ST6GALNAC5: variants seen among roughly 807,000 people sequenced by gnomAD.
ST6GALNAC5 encodes the protein alpha-N-acetylgalactosaminide alpha-2,6-sialyltransferase 5.
A neutral mutation model predicts 33.6 loss-of-function variants in ST6GALNAC5; 27 were observed. That is an observed-to-expected ratio of 0.80 (90% CI 0.59 to 1.11). ST6GALNAC5 has a LOEUF of 1.11. ST6GALNAC5 is among the 50% of genes least tolerant of loss of function. The pLI, the probability that ST6GALNAC5 is intolerant of heterozygous loss-of-function variation, is 0.00. For synonymous variants in ST6GALNAC5, 194 were observed against 171.2 expected, an observed-to-expected ratio of 1.13 and a Z score of -1.04; for missense variants, 428 against 454.0, an observed-to-expected ratio of 0.94 and a Z score of 0.52.
chr1:76,927,534 A>G (rs1647097744), intron 2 of ST6GALNAC5, among the ~76,000 whole-genome samples: 1 of 152,092 alleles, frequency 6.6e-6, no homozygotes, highest in Non-Finnish European at 1.5e-5. Context: ...AAAAATGAAG[A>G]GAGGCATGTT....
Position 77,064,732 on chromosome 1 carries a change from C to G in ST6GALNAC5, c.*1526C>G, listed in dbSNP as rs544780729. 3.3e-5 allele frequency: 5 copies of G among 152,258 alleles called. No individual in the cohort carries two copies. The highest frequency in any genetic ancestry group is 7.4e-5 in the Non-Finnish European group (5 of 68,022). The allele number at this position is 152,258 out of a possible 1,614,324, so 9.4% of individuals were successfully genotyped here. On this transcript the variant is annotated 3_prime_UTR_variant, in exon 5 of 5. Transcript: ENST00000477717. ...ATACTAGTGTTTTCTTTACACATGA[C>G]TTAGAAGGCATTAGTTTCTCTAATG...
chr1:76,978,436 A>T (rs1102452), intron 2 of ST6GALNAC5, among the ~76,000 whole-genome samples: 1 of 152,074 alleles, frequency 6.6e-6, no homozygotes, highest in Non-Finnish European at 1.5e-5. Context: ...CACCATGATC[A>T]ACTGATTCAT....
At chr1:76,991,899 T>C (rs1649746680) in intron 2 of ST6GALNAC5, among the ~76,000 whole-genome samples, 1 of 152,124 alleles carries the variant, frequency 6.6e-6, no homozygotes, top group African/African-American at 2.4e-5. Context: ...CTCAAACTTT[T>C]AAAATATTTC....
intron 2 of ST6GALNAC5, among the ~76,000 whole-genome samples, chr1:76,972,310 G>T (rs1024561870): frequency 6.6e-6 from 1 of 151,972 alleles, no homozygotes; most frequent in Non-Finnish European, 1.5e-5. Context: ...TGATTCAATT[G>T]CCTCCCACCA....
At chr1:76,964,101 CT>C (rs945390431) in intron 2 of ST6GALNAC5, among the ~76,000 whole-genome samples, 6 of 152,270 alleles carry the variant, frequency 3.9e-5, no homozygotes, top group African/African-American at 1.4e-4. Context: ...ACACTTTGAT[CT>C]TAGCCCAGTG....
chr1:76,973,810 C>G (rs858592), intron 2 of ST6GALNAC5, among the ~76,000 whole-genome samples: 145,128 of 152,260 alleles, frequency 0.95, 69,202 homozygotes, highest in East Asian at 1. Flanking sequence ...ATTGTGGATT[C>G]AATATAATCA....
chr1:77,055,018 G>T (rs889774561), intron 4 of ST6GALNAC5, among the ~76,000 whole-genome samples: 1 of 151,918 alleles, frequency 6.6e-6, no homozygotes, highest in Non-Finnish European at 1.5e-5. Context: ...TCTTTCATTT[G>T]GTACTGTGAT....
chr1:76,908,400 C>T (rs1283443235), intron 2 of ST6GALNAC5, among the ~76,000 whole-genome samples: 1 of 152,076 alleles, frequency 6.6e-6, no homozygotes, highest in Non-Finnish European at 1.5e-5. Context: ...TAATCCCATT[C>T]ACGAGGACTC....
chr1:76,997,346 CAAT>C (rs1557753660), intron 2 of ST6GALNAC5, among the ~76,000 whole-genome samples: 1 of 152,010 alleles, frequency 6.6e-6, no homozygotes, highest in Non-Finnish European at 1.5e-5. Context: ...TGAAGGAACT[CAAT>C]AAGGTTGTGA....
At chr1:77,024,612 G>A (rs1201134424) in intron 2 of ST6GALNAC5, among the ~76,000 whole-genome samples, 2 of 152,176 alleles carry the variant, frequency 1.3e-5, no homozygotes, top group Non-Finnish European at 1.5e-5. Flanking sequence ...TGCTCTGGAT[G>A]GCCAGGGAAG....
At chr1:76,987,434 A>G (rs886257489) in intron 2 of ST6GALNAC5, among the ~76,000 whole-genome samples, 1 of 152,120 alleles carries the variant, frequency 6.6e-6, no homozygotes, top group Non-Finnish European at 1.5e-5. Context: ...AAAAGACAAA[A>G]AATAACAAGT....
intron 2 of ST6GALNAC5, among the ~76,000 whole-genome samples, chr1:76,896,241 C>T (rs1654130814): frequency 2.6e-5 from 4 of 152,166 alleles, no homozygotes; most frequent in Admixed American, 2.6e-4. Context: ...GTGAAATTGT[C>T]TACCTAGACT....
intron 2 of ST6GALNAC5, among the ~76,000 whole-genome samples, chr1:77,007,634 A>G (rs928094054): frequency 6.6e-6 from 1 of 152,184 alleles, no homozygotes; most frequent in Non-Finnish European, 1.5e-5. Flanking sequence ...CTAATATTTG[A>G]GTAGAGAAAA....
intron 2 of ST6GALNAC5, among the ~76,000 whole-genome samples, chr1:76,987,450 C>A (rs1649554516): frequency 6.6e-6 from 1 of 152,074 alleles, no homozygotes; most frequent in Non-Finnish European, 1.5e-5. Context: ...CAAGTGTTGG[C>A]AAGGATGTGG....
chr1:76,935,973 G>C (rs1647198745), intron 2 of ST6GALNAC5, among the ~76,000 whole-genome samples: 1 of 152,010 alleles, frequency 6.6e-6, no homozygotes, highest in Non-Finnish European at 1.5e-5. Context: ...TGACACACCA[G>C]ATGAAGCTGA....
At chr1:76,885,573 G>C (rs970052946) in intron 2 of ST6GALNAC5, among the ~76,000 whole-genome samples, 1 of 152,176 alleles carries the variant, frequency 6.6e-6, no homozygotes, top group Non-Finnish European at 1.5e-5. Flanking sequence ...TGGCTTTGCT[G>C]TTAGATCCCA....
intron 2 of ST6GALNAC5, among the ~76,000 whole-genome samples, chr1:77,005,413 C>T (rs1268793961): frequency 1.3e-5 from 2 of 152,176 alleles, no homozygotes; most frequent in African/African-American, 2.4e-5. Flanking sequence ...GAGATGAACC[C>T]GGTACCTCAG....
intron 2 of ST6GALNAC5, among the ~76,000 whole-genome samples, chr1:76,979,171 A>C (rs1277362271): frequency 6.6e-6 from 1 of 152,174 alleles, no homozygotes; most frequent in African/African-American, 2.4e-5. Context: ...TGGAAGAATT[A>C]ATATTTTTAA....
At chr1:76,891,106 G>T (rs762861491) in intron 2 of ST6GALNAC5, among the ~76,000 whole-genome samples, 4 of 152,180 alleles carry the variant, frequency 2.6e-5, no homozygotes, top group Non-Finnish European at 5.9e-5. Flanking sequence ...ATACCTAGGA[G>T]TAGAATTGCT....
Sources: allele counts gnomAD v4.1 joint callset (sites outside exome capture counted in the v4.1 genomes callset), GRCh38; gene constraint gnomAD v4.1.1; transcripts MANE v1.5; gene names NCBI Gene and HGNC (gene_info 2026-07-23, HGNC 2026-07-21).